The following GRIK2 variants were observed in gnomAD, a reference collection of about 807,000 sequenced individuals.
The protein encoded by GRIK2 is glutamate ionotropic receptor kainate type subunit 2.
Under a neutral mutation model 100.3 loss-of-function variants are expected in GRIK2, and 32 were observed. The ratio of observed to expected loss-of-function variants is 0.32; its 90% confidence interval spans 0.24 to 0.43. The LOEUF is 0.43. GRIK2 is among the 20% of genes least tolerant of loss of function. GRIK2 has a pLI of 1.00. For synonymous variants in GRIK2, 417 were observed against 389.4 expected, an observed-to-expected ratio of 1.07 and a Z score of -0.83; for missense variants, 843 against 1,114.9, an observed-to-expected ratio of 0.76 and a Z score of 3.47.
chr6:101,577,418 TA>T (rs907785439), intron 2 of GRIK2, among the ~76,000 whole-genome samples: 14 of 152,174 alleles, frequency 9.2e-5, no homozygotes, highest in East Asian at 3.9e-4. Context: ...GAAAATTAAT[TA>T]AAAAAATATT....
intron 15 of GRIK2, among the ~76,000 whole-genome samples, chr6:102,047,098 C>CTACT (rs1220196166): frequency 2.6e-5 from 4 of 152,060 alleles, no homozygotes; most frequent in Non-Finnish European, 5.9e-5. Flanking sequence ...ACAAATGCCT[C>CTACT]TACTTAAAAA....
At position 101,581,181 on chromosome 6, in the gene GRIK2, T is replaced by TAC. The variant is rs35142893; in HGVS notation, c.116-40756_116-40755dup. Reference sequence around the variant, plus strand: ...AGATATATATACATATATATATATATACACACACACACATATATATACGCA... The same window carrying TAC: ...AGATATATATACATATATATATATATACACACACACACACATATATATACGCA... On this transcript the variant is annotated intron_variant, in intron 2 of 16. Transcript: ENST00000369134. Among the ~76,000 whole-genome samples the TAC allele has an allele frequency of 1.8e-3, 247 of 138,104 alleles. 1 individual carries two copies. The highest frequency in any genetic ancestry group is 6.0e-3 in the African/African-American group (229 of 38,262). The allele number at this position is 138,104 out of a possible 152,430, so 90.6% of individuals were successfully genotyped here.
At chr6:101,485,020 A>G (rs188377305) in intron 2 of GRIK2, among the ~76,000 whole-genome samples, 1 of 152,314 alleles carries the variant, frequency 6.6e-6, no homozygotes, top group Admixed American at 6.5e-5. Context: ...CTATCAGGAA[A>G]ACTAAATAGC....
At chr6:101,883,560 G>C (rs1156914416) in intron 11 of GRIK2, among the ~76,000 whole-genome samples, 1 of 152,116 alleles carries the variant, frequency 6.6e-6, no homozygotes, top group East Asian at 1.9e-4. Context: ...TTAAAGTACT[G>C]TATGGAGATA....
At chr6:101,853,386 A>G (rs1430263843) in intron 10 of GRIK2, among the ~76,000 whole-genome samples, 1 of 152,226 alleles carries the variant, frequency 6.6e-6, no homozygotes, top group African/African-American at 2.4e-5. Context: ...CAACAATGAG[A>G]CATCACCGTA....
At chr6:101,444,504 G>A (rs577728182) in intron 2 of GRIK2, among the ~76,000 whole-genome samples, 1 of 151,958 alleles carries the variant, frequency 6.6e-6, no homozygotes, top group Non-Finnish European at 1.5e-5. Context: ...TTTTATAATA[G>A]CCTTTGGTGG....
At chr6:101,601,270 C>T (rs552536465) in intron 2 of GRIK2, among the ~76,000 whole-genome samples, 8 of 151,734 alleles carry the variant, frequency 5.3e-5, no homozygotes, top group African/African-American at 1.9e-4. Context: ...AACCTTGTAT[C>T]TCAGGAATGA....
chr6:101,581,592 A>T (rs1306200198), intron 2 of GRIK2, among the ~76,000 whole-genome samples: 1 of 152,154 alleles, frequency 6.6e-6, no homozygotes, highest in Non-Finnish European at 1.5e-5. Flanking sequence ...GAATTAATAT[A>T]TTCTGTGAGA....
At chr6:101,636,748 C>T (rs1380697290) in intron 4 of GRIK2, among the ~76,000 whole-genome samples, 1 of 151,102 alleles carries the variant, frequency 6.6e-6, no homozygotes, top group Non-Finnish European at 1.5e-5. Context: ...ATAATATTTG[C>T]ATTTTGGGGG....
In GRIK2 at chr6:101,816,721, T is replaced by C. The variant is rs184282969; in HGVS notation, c.1204-1649T>C. 1.8e-3 allele frequency among the ~76,000 whole-genome samples: 273 copies of C among 152,070 alleles called. 1 individual carries two copies. Among genetic ancestry groups the C allele is most frequent in the Non-Finnish European group, 3.2e-3 (216 of 67,976 alleles). On this transcript the variant is annotated intron_variant, in intron 9 of 16. Transcript: ENST00000369134. ...AGATAAATAAATAAATTAATTAATT[T>C]TTAAAAAATTAAATAGTTTAAGCAG...
intron 12 of GRIK2, among the ~76,000 whole-genome samples, chr6:101,921,642 G>C (rs930628038): frequency 2.6e-5 from 4 of 152,022 alleles, no homozygotes; most frequent in African/African-American, 9.7e-5. Flanking sequence ...ATGTGAGAGA[G>C]ATAAGGTAGA....
intron 7 of GRIK2, among the ~76,000 whole-genome samples, chr6:101,771,737 G>A (rs1188444034): frequency 2.3e-5 from 3 of 133,050 alleles, no homozygotes; most frequent in Non-Finnish European, 3.0e-5. Flanking sequence ...CTGTGTCCAT[G>A]TGTTCTCATT....
rs545010299 is a variant in GRIK2, at chr6:101,510,712, C to T, written c.116-111237C>T. ...TAATTTTTTGTACTTTTAGTAGAGA[C>T]GGGGATTCACCATGTTGGCCAGGCT... On this transcript the variant is annotated intron_variant, in intron 2 of 16. Coordinates refer to ENST00000369134, the MANE Select transcript of GRIK2 (RefSeq NM_021956.5). Among the ~76,000 whole-genome samples the T allele has an allele frequency of 6.0e-5, 9 of 150,938 alleles. No individual in the cohort carries two copies. The East Asian group carries it at 7.8e-4, about 13-fold the overall frequency.
intron 14 of GRIK2, among the ~76,000 whole-genome samples, chr6:101,988,194 G>A (rs997960071): frequency 8.6e-5 from 13 of 150,352 alleles, no homozygotes; most frequent in African/African-American, 2.9e-4. Flanking sequence ...AGTATGTGTA[G>A]ATATATGTGT....
intron 2 of GRIK2, among the ~76,000 whole-genome samples, chr6:101,442,239 G>A (rs952962957): frequency 6.6e-6 from 1 of 152,122 alleles, no homozygotes; most frequent in Non-Finnish European, 1.5e-5. Flanking sequence ...CACTTTGAAG[G>A]GTGGGGAGGA....
chr6:102,063,399 A>G (rs1279260871), intron 16 of GRIK2, among the ~76,000 whole-genome samples: 1 of 150,810 alleles, frequency 6.6e-6, no homozygotes, highest in Non-Finnish European at 1.5e-5. Context: ...ATGAATACAT[A>G]TATTCAAAAA....
chr6:101,596,110 C>T (rs770150691), intron 2 of GRIK2, among the ~76,000 whole-genome samples: 1 of 151,286 alleles, frequency 6.6e-6, no homozygotes, highest in Non-Finnish European at 1.5e-5. Context: ...AAACTGATTT[C>T]AGGCATTCAT....
At chr6:101,744,279 C>T (rs1776238630) in intron 7 of GRIK2, among the ~76,000 whole-genome samples, 1 of 151,736 alleles carries the variant, frequency 6.6e-6, no homozygotes, top group Non-Finnish European at 1.5e-5. Flanking sequence ...CAACCGCTAT[C>T]CTTTCCTCTG....
At chr6:101,574,132 G>A (rs1457851485) in intron 2 of GRIK2, among the ~76,000 whole-genome samples, 1 of 150,810 alleles carries the variant, frequency 6.6e-6, no homozygotes, top group African/African-American at 2.4e-5. Flanking sequence ...TAAAATGGAA[G>A]GAAATGTTTT....
Sources: allele counts gnomAD v4.1 joint callset (sites outside exome capture counted in the v4.1 genomes callset), GRCh38; gene constraint gnomAD v4.1.1; transcripts MANE v1.5; gene names NCBI Gene and HGNC (gene_info 2026-07-23, HGNC 2026-07-21).